Variants in DYNLT2B observed in about 807,000 individuals in gnomAD.
The protein encoded by DYNLT2B is dynein light chain Tctex-type protein 2B.
In DYNLT2B, 14 loss-of-function variants were observed where a neutral mutation model predicts 19.5. That is an observed-to-expected ratio of 0.72 (90% CI 0.47 to 1.12). The LOEUF (loss-of-function observed/expected upper bound fraction) is 1.12. DYNLT2B is among the 50% of genes most tolerant of loss of function. The pLI, the probability that DYNLT2B is intolerant of heterozygous loss-of-function variation, is 0.00. For synonymous variants in DYNLT2B, 70 were observed against 59.7 expected, an observed-to-expected ratio of 1.17 and a Z score of -0.79; for missense variants, 133 against 174.7, an observed-to-expected ratio of 0.76 and a Z score of 1.35.
rs146227769 is a variant in DYNLT2B, at chr3:196,294,408, C to T, written c.381+1598G>A. 7.9e-5 allele frequency among the ~76,000 whole-genome samples: 12 copies of T among 152,294 alleles called. No individual in the cohort carries two copies. In the East Asian group the frequency reaches 2.3e-3, roughly 29 times the overall value. On this transcript the variant is annotated intron_variant, in intron 4 of 4. Transcript: ENST00000325318. Reference sequence around the variant, plus strand: ...GACCATAGAATTTTAGAGCTAAAAGCTACCTTAAAATCATCTACATAAGCA... The same window carrying T: ...GACCATAGAATTTTAGAGCTAAAAGTTACCTTAAAATCATCTACATAAGCA...
chr3:196,296,542 C>T lies in DYNLT2B; in HGVS notation c.318-473G>A, dbSNP rs1308773789. ...ATATCTCTACAGAATGCTAAACTAC[C>T]TTGAAATTGGCTATTCTCCTCTCTG... On this transcript the variant is annotated intron_variant, in intron 3 of 4. Transcript: ENST00000325318. Among the ~76,000 whole-genome samples, 3 of 152,076 alleles carry T rather than the reference C, an allele frequency of 2.0e-5. No homozygotes were observed. The East Asian group carries it at 5.8e-4, about 29-fold the overall frequency.
intron 3 of DYNLT2B, among the ~76,000 whole-genome samples, chr3:196,300,730 CAAAAAAA>C (rs1171224774): frequency 2.9e-5 from 2 of 68,850 alleles, no homozygotes; most frequent in Non-Finnish European, 5.4e-5. Flanking sequence ...ACTCTGTCTC[CAAAAAAA>C]AAAAAAAAAA....
intron 2 of DYNLT2B, among the ~76,000 whole-genome samples, chr3:196,314,768 C>T (rs1334041301): frequency 6.6e-6 from 1 of 151,928 alleles, no homozygotes; most frequent in African/African-American, 2.4e-5. Context: ...CTGCAGTGAG[C>T]CATGTTCACA....
At position 196,306,980 on chromosome 3, in the gene DYNLT2B, GCAC is replaced by G. The variant is rs1344993263; in HGVS notation, c.277_279del (p.Val93del). 1 of 1,613,814 alleles carries G rather than the reference GCAC, an allele frequency of 6.2e-7. No individual in the cohort carries two copies. The highest frequency in any genetic ancestry group is 1.3e-5 in the African/African-American group (1 of 74,860). On this transcript the variant is annotated inframe_deletion, in exon 3 of 5. Coordinates refer to ENST00000325318, the MANE Select transcript of DYNLT2B (RefSeq NM_152773.5). ...CCTCTTTGTTCTCCAATCACTACTT[GCAC>G]CACCATTTTGTATCGGTCAAATCCC...
At chr3:196,296,582 G>GA (rs145819862) in intron 3 of DYNLT2B, among the ~76,000 whole-genome samples, 6,953 of 151,658 alleles carry the variant, frequency 0.046, 213 homozygotes, top group East Asian at 0.078. Context: ...TCTTGGATAA[G>GA]AAAAAAATAT....
intron 2 of DYNLT2B, 61 bp from the exon 3 acceptor site, chr3:196,307,073 C>A (rs1448212794): frequency 6.2e-6 from 9 of 1,457,906 alleles, no homozygotes; most frequent in South Asian, 2.3e-5. Flanking sequence ...TTATTGAAGA[C>A]AAATTTGCCC....
intron 1 of DYNLT2B, 142 bp downstream of exon 1, chr3:196,317,898 G>A: frequency 2.9e-6 from 1 of 343,202 alleles, no homozygotes; most frequent in East Asian, 4.8e-5. Context: ...AGGGCCGCCC[G>A]CCCGCCTCGC....
At position 196,291,293 on chromosome 3, in the gene DYNLT2B, G is replaced by T; in HGVS notation, c.*34C>A. 1 of 1,581,490 alleles carries T rather than the reference G, an allele frequency of 6.3e-7. No homozygotes were observed. Among genetic ancestry groups the T allele is most frequent in the Non-Finnish European group, 8.6e-7 (1 of 1,164,004 alleles). On this transcript the variant is annotated 3_prime_UTR_variant, in exon 5 of 5. Coordinates refer to ENST00000325318, the MANE Select transcript of DYNLT2B (RefSeq NM_152773.5). The stretch of plus-strand genomic sequence containing the variant: ...TATTAAAAAGTTCAGATTTCTTCAT[G>T]GTCATGTCTTTTACCAGCTTTTCAA...
At position 196,317,179 on chromosome 3, in the gene DYNLT2B, GTGT is replaced by G. The variant is rs1376729343; in HGVS notation, c.113+858_113+860del. Among the ~76,000 whole-genome samples, 27 of 101,434 alleles carry G rather than the reference GTGT, an allele frequency of 2.7e-4. 3 individuals are homozygous for G. The highest frequency in any genetic ancestry group is 8.2e-4 in the African/African-American group (21 of 25,614). The allele number at this position is 101,434 out of a possible 152,430, so 66.5% of individuals were successfully genotyped here. ...AGTGTGTGTGTGTGTGTGTGTGTGT[GTGT>G]TGTGTGTGTGTGTGTAAAGTTAGTG... On this transcript the variant is annotated intron_variant, in intron 1 of 4. Coordinates refer to ENST00000325318, the MANE Select transcript of DYNLT2B (RefSeq NM_152773.5).
At chr3:196,297,467 G>A (rs534168545) in intron 3 of DYNLT2B, among the ~76,000 whole-genome samples, 1 of 152,276 alleles carries the variant, frequency 6.6e-6, no homozygotes, top group Admixed American at 6.5e-5. Context: ...GGAGGCTGCA[G>A]TGAGCCAAGA....
At chr3:196,299,205 C>T (rs1481231771) in intron 3 of DYNLT2B, among the ~76,000 whole-genome samples, 1 of 152,058 alleles carries the variant, frequency 6.6e-6, no homozygotes, top group Non-Finnish European at 1.5e-5. Context: ...CTACCTCAGC[C>T]TCCCAAGTAG....
chr3:196,309,264 TTC>T (rs1418517124), intron 2 of DYNLT2B, among the ~76,000 whole-genome samples: 1 of 152,042 alleles, frequency 6.6e-6, no homozygotes, highest in Admixed American at 6.6e-5. Flanking sequence ...AAAACAATTT[TTC>T]TTTTTTTCTT....
chr3:196,317,369 AGTGTGTGTGT>A lies in DYNLT2B; in HGVS notation c.113+661_113+670del, dbSNP rs56203830. On this transcript the variant is annotated intron_variant, in intron 1 of 4. Transcript: ENST00000325318. ...GGCCCGTGAGCCTGATATTTTTTTC[AGTGTGTGTGT>A]GTGTGTGTGTGTGTGTGTGTGTAAA... Among the ~76,000 whole-genome samples the A allele has an allele frequency of 4.3e-3, 68 of 15,976 alleles. 10 individuals carry two copies. The highest frequency in any genetic ancestry group is 1.0e-2 in the African/African-American group (59 of 5,924). 10.5% of individuals were successfully genotyped at this position (15,976 alleles called of 152,430 possible).
chr3:196,311,244 G>A (rs947934966), intron 2 of DYNLT2B, among the ~76,000 whole-genome samples: 10 of 151,970 alleles, frequency 6.6e-5, no homozygotes, highest in Non-Finnish European at 1.0e-4. Context: ...GCAAAACCCC[G>A]TCTCTACAAA....
chr3:196,317,067 G>GTA (rs1401185194), intron 1 of DYNLT2B, among the ~76,000 whole-genome samples: 3 of 45,324 alleles, frequency 6.6e-5, no homozygotes, highest in Non-Finnish European at 1.4e-4. Context: ...TGTGTGGTGT[G>GTA]TGTGTGTGTG....
intron 2 of DYNLT2B, among the ~76,000 whole-genome samples, chr3:196,308,485 C>G (rs2108795280): frequency 6.6e-6 from 1 of 152,250 alleles, no homozygotes; most frequent in East Asian, 1.9e-4. Flanking sequence ...GCTAAAGCAG[C>G]AAAATCCTGA....
chr3:196,308,082 GAAAAAAA>G (rs201886079), intron 2 of DYNLT2B, among the ~76,000 whole-genome samples: 5 of 109,010 alleles, frequency 4.6e-5, no homozygotes, highest in African/African-American at 1.1e-4. Flanking sequence ...ACTCCATCTC[GAAAAAAA>G]AAAAAAAAAA....
chr3:196,308,433 G>A (rs1726549546), intron 2 of DYNLT2B, among the ~76,000 whole-genome samples: 1 of 152,156 alleles, frequency 6.6e-6, no homozygotes, highest in South Asian at 2.1e-4. Flanking sequence ...GCAAAACGAG[G>A]TGATCCAGCA....
intron 2 of DYNLT2B, among the ~76,000 whole-genome samples, chr3:196,313,576 T>G (rs1726696328): frequency 6.6e-6 from 1 of 152,174 alleles, no homozygotes; most frequent in Non-Finnish European, 1.5e-5. Context: ...TTTTGTATAA[T>G]GAATGTGTAC....
Sources: gnomAD v4.1 joint callset for allele counts (sites outside exome capture counted in the v4.1 genomes callset) on GRCh38, gnomAD v4.1.1 for gene constraint, MANE v1.5 for transcripts, NCBI Gene and HGNC (gene_info 2026-07-23, HGNC 2026-07-21) for gene names.